TRPC7: variants seen among roughly 807,000 people sequenced by gnomAD.
TRPC7 encodes the protein short transient receptor potential channel 7.
In TRPC7, 42 loss-of-function variants were observed where a neutral mutation model predicts 90.1. The ratio of observed to expected loss-of-function variants is 0.47; its 90% CI spans 0.36 to 0.60. The LOEUF (loss-of-function observed/expected upper bound fraction) is 0.60, where lower values mean the gene tolerates loss of function less well. Ranked by LOEUF, TRPC7 falls within the 20% of genes least tolerant of loss-of-function variation. TRPC7 has a pLI of 0.00. For missense variants in TRPC7, 955 were observed against 1,112.3 expected (o/e 0.86, Z 2.01); for synonymous variants, 451 against 436.3 (o/e 1.03, Z -0.42).
intron 10 of TRPC7, among the ~76,000 whole-genome samples, chr5:136,218,942 C>T (rs768455244): frequency 3.0e-4 from 46 of 152,172 alleles, no homozygotes; most frequent in Non-Finnish European, 5.3e-4. Flanking sequence ...TCCAAGGTCA[C>T]ACAGCTGGAA....
intron 3 of TRPC7, among the ~76,000 whole-genome samples, chr5:136,289,315 G>A (rs950392642): frequency 6.6e-6 from 1 of 152,222 alleles, no homozygotes; most frequent in African/African-American, 2.4e-5. Flanking sequence ...TGGGTGCAGT[G>A]CACCATGCGT....
intron 3 of TRPC7, among the ~76,000 whole-genome samples, chr5:136,284,305 G>A (rs1369606891): frequency 6.6e-6 from 1 of 152,188 alleles, no homozygotes; most frequent in Non-Finnish European, 1.5e-5. Context: ...GTGTGTATGT[G>A]CACACGTGTG....
chr5:136,328,956 T>C (rs1759420037), intron 2 of TRPC7, among the ~76,000 whole-genome samples: 1 of 152,216 alleles, frequency 6.6e-6, no homozygotes, highest in South Asian at 2.1e-4. Flanking sequence ...CACTTACCCC[T>C]CAAGTGCAGG....
At chr5:136,253,157 A>C (rs1321965100) in intron 5 of TRPC7, among the ~76,000 whole-genome samples, 1 of 152,258 alleles carries the variant, frequency 6.6e-6, no homozygotes, top group Non-Finnish European at 1.5e-5. Flanking sequence ...TGGATATGAT[A>C]GGTTAAGTAT....
intron 2 of TRPC7, among the ~76,000 whole-genome samples, chr5:136,323,838 A>T (rs1360381211): frequency 6.6e-6 from 1 of 152,166 alleles, no homozygotes; most frequent in Non-Finnish European, 1.5e-5. Flanking sequence ...AAATTTAAAA[A>T]TAAGCTTGTT....
intron 7 of TRPC7, among the ~76,000 whole-genome samples, chr5:136,233,595 T>C (rs1371671506): frequency 1.3e-5 from 2 of 152,262 alleles, no homozygotes; most frequent in African/African-American, 4.8e-5. Context: ...CAGTGAAAAC[T>C]GGAGAACAGT....
intron 3 of TRPC7, among the ~76,000 whole-genome samples, chr5:136,313,383 C>A (rs1254361669): frequency 7.0e-6 from 1 of 143,030 alleles, no homozygotes; most frequent in Non-Finnish European, 1.5e-5. Context: ...GTCTGTCTAT[C>A]TATCTATCTA....
chr5:136,226,808 TATC>T (rs1339900161), intron 8 of TRPC7, among the ~76,000 whole-genome samples: 2 of 152,228 alleles, frequency 1.3e-5, no homozygotes, highest in African/African-American at 4.8e-5. Context: ...AGATCAAAAA[TATC>T]ATTTCAACAT....
Position 136,247,856 on chromosome 5 carries a change from A to T in TRPC7, c.1580-121T>A. The T allele has an allele frequency of 7.9e-7, 1 of 1,259,346 alleles. No individual in the cohort carries two copies. 78.0% of individuals were successfully genotyped at this position (1,259,346 alleles called of 1,614,324 possible). A position where few individuals can be genotyped will look rare whatever the true frequency, so the allele number is the denominator to read the frequency against. On this transcript the variant is annotated intron_variant, in intron 6 of 11. Transcript: ENST00000513104. This position sits in a 1 kb window ranked among gnomAD's most constrained non-coding sequence, Gnocchi z 4.2. Reference sequence around the variant, plus strand: ...TTGCCATTCTTGTCCTTGTCCTTAAATTAATCCCAATATCCAGAAGTTGCC... The same window carrying T: ...TTGCCATTCTTGTCCTTGTCCTTAATTTAATCCCAATATCCAGAAGTTGCC...
chr5:136,291,101 A>T (rs1240145734), intron 3 of TRPC7, among the ~76,000 whole-genome samples: 1 of 152,216 alleles, frequency 6.6e-6, no homozygotes, highest in Non-Finnish European at 1.5e-5. Flanking sequence ...TGAGAGATTT[A>T]GTCACCACCA....
At chr5:136,355,372 C>T (rs747001775) in intron 2 of TRPC7, among the ~76,000 whole-genome samples, 1 of 152,168 alleles carries the variant, frequency 6.6e-6, no homozygotes, top group Non-Finnish European at 1.5e-5. Flanking sequence ...GCTATGTGAT[C>T]CTCTCTCTAC....
chr5:136,216,216 A>G lies in TRPC7; in HGVS notation c.2403T>C (p.Asn801=). The change falls in exon 11 of 12, where the codon AAT becomes AAC. Residue 801 remains asparagine, a synonymous_variant. Transcript: ENST00000513104. ...YVLKAQVDRE[N]DEVNEGELKE... is the part of the protein sequence containing the mutation. ...GTCATTTACCTTCATTGACTTCGTC[A>G]TTTTCTCTGTCCACCTGGGCTTTCA... 6.2e-6 allele frequency: 10 copies of G among 1,613,100 alleles called. No individual in the cohort carries two copies. Among genetic ancestry groups the G allele is most frequent in the Non-Finnish European group, 8.5e-6 (10 of 1,179,562 alleles).
chr5:136,295,027 C>T (rs1451884451), intron 3 of TRPC7, among the ~76,000 whole-genome samples: 4 of 152,028 alleles, frequency 2.6e-5, no homozygotes, highest in African/African-American at 4.8e-5. Flanking sequence ...TCTCAGCAAA[C>T]CATCACAAGG....
intron 3 of TRPC7, among the ~76,000 whole-genome samples, chr5:136,310,052 G>T (rs992364687): frequency 2.0e-5 from 3 of 152,100 alleles, no homozygotes; most frequent in Admixed American, 2.0e-4. Flanking sequence ...AGGCTCACAT[G>T]GTCTGTCCCC....
At chr5:136,254,500 C>T (rs965234999) in intron 5 of TRPC7, among the ~76,000 whole-genome samples, 11 of 152,160 alleles carry the variant, frequency 7.2e-5, no homozygotes, top group Admixed American at 3.3e-4. Context: ...TGGATGACAG[C>T]GTATCTGTTT....
intron 3 of TRPC7, among the ~76,000 whole-genome samples, chr5:136,291,407 C>T (rs1196485388): frequency 6.6e-6 from 1 of 152,122 alleles, no homozygotes; most frequent in Non-Finnish European, 1.5e-5. Context: ...ATCTCATGTG[C>T]AGAGACACAC....
intron 3 of TRPC7, among the ~76,000 whole-genome samples, chr5:136,290,740 TCC>T (rs943914613): frequency 6.6e-6 from 1 of 152,046 alleles, no homozygotes; most frequent in African/African-American, 2.4e-5. Flanking sequence ...CAGGAGAACT[TCC>T]CCCATCTAGC....
chr5:136,293,294 A>G (rs534496639), intron 3 of TRPC7, among the ~76,000 whole-genome samples: 132 of 152,312 alleles, frequency 8.7e-4, no homozygotes, highest in African/African-American at 3.0e-3. Context: ...AGCCAGGGCA[A>G]TCAGGCAGGA....
intron 3 of TRPC7, among the ~76,000 whole-genome samples, chr5:136,311,323 T>C (rs1057497690): frequency 6.6e-6 from 1 of 152,096 alleles, no homozygotes; most frequent in African/African-American, 2.4e-5. Flanking sequence ...GAGGGATGGA[T>C]GAGAGTGTGT....
Sources: allele counts gnomAD v4.1 joint callset (sites outside exome capture counted in the v4.1 genomes callset), GRCh38; gene constraint gnomAD v4.1.1; non-coding constraint Gnocchi (gnomAD v3.1); transcripts MANE v1.5; gene names NCBI Gene and HGNC (gene_info 2026-07-23, HGNC 2026-07-21).